Variants in EFCAB14 observed in about 807,000 individuals in gnomAD.
EFCAB14 encodes the protein EF-hand calcium binding domain 14.
A neutral mutation model predicts 56.5 loss-of-function variants in EFCAB14; 43 were observed. That is an observed-to-expected ratio of 0.76 (90% CI 0.60 to 0.98). The LOEUF (loss-of-function observed/expected upper bound fraction) is 0.98. EFCAB14 is among the 50% of genes least tolerant of loss of function. EFCAB14 has a pLI of 0.00. For missense variants in EFCAB14, 538 were observed against 580.3 expected, an observed-to-expected ratio of 0.93 and a Z score of 0.75; for synonymous variants, 235 against 212.9, an observed-to-expected ratio of 1.10 and a Z score of -0.90.
chr1:46,691,663 T>C (rs1436593612), intron 5 of EFCAB14, among the ~76,000 whole-genome samples, 164 bp downstream of exon 5: 1 of 152,222 alleles, frequency 6.6e-6, no homozygotes, highest in East Asian at 1.9e-4. Context: ...TTATCTACCA[T>C]AATTGCTTTA....
At chr1:46,706,490 C>G (rs1837567) in intron 3 of EFCAB14, among the ~76,000 whole-genome samples, 1 of 152,160 alleles carries the variant, frequency 6.6e-6, no homozygotes, top group Non-Finnish European at 1.5e-5. Flanking sequence ...AAATAGATAG[C>G]TGACTTTGCC....
chr1:46,687,474 C>T (rs1190728146), intron 7 of EFCAB14, among the ~76,000 whole-genome samples: 1 of 152,184 alleles, frequency 6.6e-6, no homozygotes, highest in East Asian at 1.9e-4. Context: ...GGCAACTTGC[C>T]AAGGCTCCAC....
At chr1:46,678,771 G>T in intron 10 of EFCAB14, 135 bp from the exon 11 acceptor site, 1 of 608,498 alleles carries the variant, frequency 1.6e-6, no homozygotes, top group Admixed American at 4.1e-5. Context: ...GTAAAGTTTA[G>T]GATTTCACTA....
chr1:46,709,106 ATG>A (rs1677272918), intron 2 of EFCAB14, among the ~76,000 whole-genome samples: 1 of 152,176 alleles, frequency 6.6e-6, no homozygotes, highest in Admixed American at 6.5e-5. Context: ...TCATTTGTTC[ATG>A]TGCTATTTTG....
In EFCAB14 at chr1:46,678,357, TA is replaced by T. The variant is rs1422707930; in HGVS notation, c.*103del. The T allele has an allele frequency of 8.1e-7, 1 of 1,241,626 alleles. No individual in the cohort carries two copies. Among genetic ancestry groups the T allele is most frequent in the Non-Finnish European group, 1.1e-6 (1 of 882,132 alleles). The allele number at this position is 1,241,626 out of a possible 1,614,324, so 76.9% of individuals were successfully genotyped here. A position where few individuals can be genotyped will look rare whatever the true frequency, so the allele number is the denominator to read the frequency against. ...AGTTAAAAGGTGGCAAAGTATCTGCTACAGTAGTTTGGAGGACTAGAGGACT... is the reference window on the plus strand; with the variant it reads ...AGTTAAAAGGTGGCAAAGTATCTGCTCAGTAGTTTGGAGGACTAGAGGACT... On this transcript the variant is annotated 3_prime_UTR_variant, in exon 11 of 11. Transcript: ENST00000371933.
intron 5 of EFCAB14, among the ~76,000 whole-genome samples, chr1:46,690,751 T>C (rs1366867061): frequency 6.6e-6 from 1 of 152,178 alleles, no homozygotes; most frequent in Non-Finnish European, 1.5e-5. Context: ...TGTTTTTTCC[T>C]CTGGGTTAGC....
chr1:46,718,182 G>A lies in EFCAB14; in HGVS notation c.-95C>T. 2 of 1,385,968 alleles carry A rather than the reference G, an allele frequency of 1.4e-6. No homozygotes were observed. The highest frequency in any genetic ancestry group is 1.9e-4 in the Middle Eastern group (1 of 5,394). The allele number at this position is 1,385,968 out of a possible 1,614,324, so 85.9% of individuals were successfully genotyped here. A position where few individuals can be genotyped will look rare whatever the true frequency, so the allele number is the denominator to read the frequency against. On this transcript the variant is annotated 5_prime_UTR_variant, in exon 1 of 11. Coordinates refer to ENST00000371933, the MANE Select transcript of EFCAB14 (RefSeq NM_014774.3). ...TCCTGCCTTGGAGCTGCCTTCCAGG[G>A]TTGGGAATCCTGGGCCAGAGCCCCC...
At chr1:46,699,775 C>T (rs760876545) in intron 3 of EFCAB14, among the ~76,000 whole-genome samples, 3 of 152,214 alleles carry the variant, frequency 2.0e-5, no homozygotes, top group Non-Finnish European at 4.4e-5. Context: ...CCTACTTCCC[C>T]TTCCCTAGAG....
chr1:46,717,846 C>A, intron 1 of EFCAB14, 57 bp downstream of exon 1: 2 of 1,557,318 alleles, frequency 1.3e-6, no homozygotes, highest in African/African-American at 1.4e-5. Context: ...GTCAATGTGG[C>A]CCCTTGGTAG....
chr1:46,683,511 T>C, intron 9 of EFCAB14, 86 bp from the exon 10 acceptor site: 2 of 1,354,676 alleles, frequency 1.5e-6, no homozygotes, highest in South Asian at 1.4e-5. Context: ...TTTAGGAAAA[T>C]TGGATATACA....
intron 10 of EFCAB14, among the ~76,000 whole-genome samples, chr1:46,679,013 C>T (rs1676743683): frequency 6.6e-6 from 1 of 152,142 alleles, no homozygotes; most frequent in Non-Finnish European, 1.5e-5. Flanking sequence ...TTCTCTCTGT[C>T]CAGCGTCTTC....
chr1:46,684,352 G>GT (rs765446250), intron 9 of EFCAB14, 139 bp downstream of exon 9: 7 of 645,580 alleles, frequency 1.1e-5, no homozygotes, highest in Non-Finnish European at 1.9e-5. Flanking sequence ...AAAGCAAAGT[G>GT]TATCAGCTTC....
chr1:46,716,442 C>G lies in EFCAB14; in HGVS notation c.187G>C (p.Gly63Arg). The G allele has an allele frequency of 6.2e-7, 1 of 1,613,824 alleles. No homozygotes were observed. The change falls in exon 2 of 11, where the codon GGA (glycine) becomes CGA (arginine). Residue 63 changes from glycine to arginine, a missense_variant and splice_region_variant. Gly to Arg is a moderately radical substitution (Grantham distance 125). Transcript: ENST00000371933. ...ATCTTGCAGCATCGTAAATAGTCTC[C>G]CCTGCTCAAGAGGACAAATTCAACC... ...VVGNRSRFAK[G>R]DYLRCCKICY...
chr1:46,679,333 C>T (rs915085444), intron 10 of EFCAB14, among the ~76,000 whole-genome samples: 1 of 152,218 alleles, frequency 6.6e-6, no homozygotes, highest in Admixed American at 6.5e-5. Flanking sequence ...CTAAGTCTCA[C>T]TCTGTCGCCC....
Position 46,718,840 on chromosome 1 carries a change from C to A in EFCAB14, c.-753G>T, listed in dbSNP as rs1677440885. 6.6e-6 allele frequency: 1 copy of A among 152,334 alleles called. No homozygotes were observed. Among genetic ancestry groups the A allele is most frequent in the Non-Finnish European group, 1.5e-5 (1 of 68,128 alleles). 9.4% of individuals were successfully genotyped at this position (152,334 alleles called of 1,614,324 possible). A position where few individuals can be genotyped will look rare whatever the true frequency, so the allele number is the denominator to read the frequency against. ...AAGCCAGTCCCGCGCCTGATAGACC[C>A]CCGCCCCGCTGTCTGGGCCTTGGGG... On this transcript the variant is annotated 5_prime_UTR_variant, in exon 1 of 11. Coordinates refer to ENST00000371933, the MANE Select transcript of EFCAB14 (RefSeq NM_014774.3).
At chr1:46,705,486 T>A (rs1347437757) in intron 3 of EFCAB14, among the ~76,000 whole-genome samples, 2 of 152,244 alleles carry the variant, frequency 1.3e-5, no homozygotes, top group African/African-American at 4.8e-5. Flanking sequence ...ACTGTCTGTT[T>A]GCATGTTCTC....
intron 4 of EFCAB14, among the ~76,000 whole-genome samples, chr1:46,695,703 C>T (rs1007227452): frequency 2.6e-5 from 4 of 152,080 alleles, no homozygotes; most frequent in African/African-American, 7.2e-5. Flanking sequence ...CCACTCTTCC[C>T]GTCCATCTCT....
chr1:46,676,575 T>G lies in EFCAB14; in HGVS notation c.*1886A>C, dbSNP rs993342279. 3.3e-5 allele frequency: 5 copies of G among 152,636 alleles called. No individual in the cohort carries two copies. The highest frequency in any genetic ancestry group is 5.9e-5 in the Non-Finnish European group (4 of 68,042). The allele number at this position is 152,636 out of a possible 1,614,324, so 9.5% of individuals were successfully genotyped here. A position where few individuals can be genotyped will look rare whatever the true frequency, so the allele number is the denominator to read the frequency against. On this transcript the variant is annotated 3_prime_UTR_variant, in exon 11 of 11. Transcript: ENST00000371933. ...ACAAATATAGCAGTATAATTCAATT[T>G]ATTGCTAGAATTTTATTTGGTTGTT...
chr1:46,713,120 C>G (rs968436091), intron 2 of EFCAB14, among the ~76,000 whole-genome samples: 1 of 151,978 alleles, frequency 6.6e-6, no homozygotes, highest in Non-Finnish European at 1.5e-5. Flanking sequence ...TCCATTTAGT[C>G]AAGATATTGG....
Sources: gnomAD v4.1 joint callset for allele counts (sites outside exome capture counted in the v4.1 genomes callset) on GRCh38, gnomAD v4.1.1 for gene constraint, MANE v1.5 for transcripts, NCBI Gene and HGNC (gene_info 2026-07-23, HGNC 2026-07-21) for gene names.